ALDH16A1: variants seen among roughly 807,000 people sequenced by gnomAD.
ALDH16A1 encodes the protein aldehyde dehydrogenase family 16 member A1.
ALDH16A1 carries 88 observed loss-of-function variants against 96.1 expected under a neutral mutation model. The observed-to-expected ratio is 0.92, with a 90% confidence interval of 0.77 to 1.09. The LOEUF is 1.09. ALDH16A1 is among the 50% of genes least tolerant of loss of function. ALDH16A1 has a pLI of 0.00. For synonymous variants in ALDH16A1, 522 were observed against 496.4 expected, an observed-to-expected ratio of 1.05 and a Z score of -0.69; for missense variants, 1,250 against 1,112.6, an observed-to-expected ratio of 1.12 and a Z score of -1.76.
Position 49,468,996 on chromosome 19 carries a change from G to A in ALDH16A1, c.2247+10G>A. ...TTTCGGATCAGCCCAGGTGCTCTTT[G>A]TTCTGTTTTGCCATCTTCAGCATCT... On this transcript the variant is annotated intron_variant, in intron 16 of 16. Coordinates refer to ENST00000293350, the MANE Select transcript of ALDH16A1 (RefSeq NM_153329.4). This position sits in a 1 kb window ranked among gnomAD's most constrained non-coding sequence, Gnocchi z 4.4. 1 of 1,602,832 alleles carries A rather than the reference G, an allele frequency of 6.2e-7. No individual in the cohort carries two copies. Among genetic ancestry groups the A allele is most frequent in the Non-Finnish European group, 8.5e-7 (1 of 1,172,282 alleles).
intron 2 of ALDH16A1, 66 bp from the exon 3 acceptor site, chr19:49,458,894 C>G: frequency 6.4e-7 from 1 of 1,567,324 alleles, no homozygotes; most frequent in Non-Finnish European, 8.7e-7. Flanking sequence ...CTCCGAAAAT[C>G]TCAGCCCCCT....
Position 49,466,165 on chromosome 19 carries a change from C to T in ALDH16A1, c.1820C>T (p.Ala607Val). ...CTGGAGCGCCGGAAGTCTACCCTGG[C>T]CTCGAGGCTGGAGAGGCAGGGAGCG... ...AALERRKSTLASRLERQGAEL... is the reference protein window; with the variant it reads ...AALERRKSTLVSRLERQGAEL... The change falls in exon 14 of 17, where the codon GCC becomes GTC. Residue 607 changes from alanine (A) to valine (V), a missense_variant. Transcript: ENST00000293350. 1.3e-6 allele frequency: 2 copies of T among 1,560,176 alleles called. No individual in the cohort carries two copies. The highest frequency in any genetic ancestry group is 1.7e-6 in the Non-Finnish European group (2 of 1,154,166).
chr19:49,461,682 C>T lies in ALDH16A1; in HGVS notation c.641C>T (p.Ala214Val), dbSNP rs771749686. ...SPAPLLLAQL[A>V]GELGPFPGIL... ...GCGCCCCTCCTCCTGGCCCAGCTGG[C>T]GGGGGAGCTGGGCCCCTTCCCGGGA... The change falls in exon 6 of 17, where the codon GCG becomes GTG. Residue 214 changes from alanine (A) to valine (V), a missense_variant. Transcript: ENST00000293350. 3.6e-5 allele frequency: 58 copies of T among 1,607,416 alleles called. No individual in the cohort carries two copies. Among genetic ancestry groups the T allele is most frequent in the South Asian group, 2.9e-4 (26 of 90,238 alleles).
intron 1 of ALDH16A1, among the ~76,000 whole-genome samples, chr19:49,457,464 C>T (rs1382733070): frequency 6.7e-6 from 1 of 150,332 alleles, no homozygotes; most frequent in African/African-American, 2.4e-5. Context: ...AGGAGAATGG[C>T]GTGAATCCAG....
chr19:49,457,684 A>G (rs1490015403), intron 1 of ALDH16A1, among the ~76,000 whole-genome samples: 1 of 151,610 alleles, frequency 6.6e-6, no homozygotes, highest in South Asian at 2.1e-4. Flanking sequence ...ATCTTGGCTT[A>G]CTACAGCCTC....
chr19:49,465,103 A>G (rs77552159), intron 12 of ALDH16A1, among the ~76,000 whole-genome samples: 3,653 of 147,224 alleles, frequency 0.025, 55 homozygotes, highest in Middle Eastern at 0.063. Context: ...GGGGTCCTCC[A>G]GAGGCTCATG....
rs1047690569 is a variant in ALDH16A1 at position 49,464,879 on chromosome 19, G to T, written c.1568+117G>T. ...TCCATCCAAACCATCTCTTAGTCCT[G>T]CTGAGTACCACGTTGTGGCCTCACA... is the stretch of plus-strand genomic sequence containing the variant. On this transcript the variant is annotated intron_variant, in intron 12 of 16. Transcript: ENST00000293350. 3.3e-6 allele frequency: 5 copies of T among 1,494,682 alleles called. No homozygotes were observed. The African/African-American group carries it at 5.5e-5, about 16-fold the overall frequency. The allele number at this position is 1,494,682 out of a possible 1,614,324, so 92.6% of individuals were successfully genotyped here. A position where few individuals can be genotyped will look rare whatever the true frequency, so the allele number is the denominator to read the frequency against.
In ALDH16A1 at chr19:49,461,745, C is replaced by A. The variant is rs775859575; in HGVS notation, c.704C>A (p.Pro235His). 10 of 1,610,284 alleles carry A rather than the reference C, an allele frequency of 6.2e-6. No homozygotes were observed. Among genetic ancestry groups the A allele is most frequent in the Non-Finnish European group, 8.5e-6 (10 of 1,178,416 alleles). ...CTCAGTGGCCCTGCGTCCCTGGTGCCCATCCTGGCCTCCCAGCCTGGAATC... is the reference window on the plus strand; with the variant it reads ...CTCAGTGGCCCTGCGTCCCTGGTGCACATCCTGGCCTCCCAGCCTGGAATC... ...NVLSGPASLV[P>H]ILASQPGIRK... The change falls in exon 6 of 17, where the codon CCC becomes CAC. Residue 235 changes from proline (P) to histidine (H), a missense_variant. By Grantham distance (77) the Pro-to-His change is moderately conservative. Transcript: ENST00000293350.
rs985274509 is a variant in ALDH16A1 at position 49,456,739 on chromosome 19, C to T, written c.91-1747C>T. ...GATGCCCAGTTCATGTTCAAATATC[C>T]CTGACTTTCTCACAGATGTCTCTCT... is the stretch of plus-strand genomic sequence containing the variant. On this transcript the variant is annotated intron_variant, in intron 1 of 16. Transcript: ENST00000293350. Among the ~76,000 whole-genome samples the T allele has an allele frequency of 1.1e-3, 167 of 152,242 alleles. 1 individual carries two copies. The highest frequency in any genetic ancestry group is 3.7e-3 in the African/African-American group (155 of 41,536).
chr19:49,464,118 C>T lies in ALDH16A1; in HGVS notation c.1195-9C>T. 1 of 1,606,452 alleles carries T rather than the reference C, an allele frequency of 6.2e-7. No individual in the cohort carries two copies. The highest frequency in any genetic ancestry group is 8.5e-7 in the Non-Finnish European group (1 of 1,178,062). On this transcript the variant is annotated splice_polypyrimidine_tract_variant and intron_variant, in intron 9 of 16. Transcript: ENST00000293350. ...CTGGAGGGCTGAGCCTCCCGGTCAC[C>T]CCTTGCAGGTGCCGTGGCCTGTGGT...
chr19:49,460,824 G>C lies in ALDH16A1; in HGVS notation c.502G>C (p.Val168Leu), dbSNP rs765938910. The change falls in exon 5 of 17, where the codon GTA (valine) becomes CTA (leucine). Residue 168 changes from valine (V) to leucine (L), a missense_variant and splice_region_variant. By Grantham distance (32) the Val-to-Leu change is conservative (BLOSUM62 1). Coordinates refer to ENST00000293350, the MANE Select transcript of ALDH16A1 (RefSeq NM_153329.4). ...CTTGCCTCATTTTTTTCTTGCAGGA[G>C]TAATTGGCCTCATCCTGCCACCCAC... ...EALAGWEPMG[V>L]IGLILPPTFS... 9 of 1,613,148 alleles carry C rather than the reference G, an allele frequency of 5.6e-6. No homozygotes were observed. The East Asian group carries it at 2.0e-4, about 36-fold the overall frequency.
rs770040429 is a variant in ALDH16A1 at position 49,461,871 on chromosome 19, G to T, written c.760-13G>T. 37 of 1,590,114 alleles carry T rather than the reference G, an allele frequency of 2.3e-5. No individual in the cohort carries two copies. Among genetic ancestry groups the T allele is most frequent in the Admixed American group, 3.5e-5 (2 of 56,612 alleles). On this transcript the variant is annotated splice_polypyrimidine_tract_variant and intron_variant, in intron 6 of 16. Transcript: ENST00000293350. Reference sequence around the variant, plus strand: ...AAGGCTCCTCCTGCGGCTGAACTGGGGGGGGTCCCTAGGAAGGGCGTGCCC... The same window carrying T: ...AAGGCTCCTCCTGCGGCTGAACTGGTGGGGGTCCCTAGGAAGGGCGTGCCC...
rs1282140882 is a variant in ALDH16A1 at position 49,468,808 on chromosome 19, C to T, written c.2125-56C>T. The T allele has an allele frequency of 1.1e-5, 18 of 1,579,940 alleles. No individual in the cohort carries two copies. Among genetic ancestry groups the T allele is most frequent in the Non-Finnish European group, 1.6e-5 (18 of 1,159,894 alleles). On this transcript the variant is annotated intron_variant, in intron 15 of 16. Transcript: ENST00000293350. This position sits in a 1 kb window ranked among gnomAD's most constrained non-coding sequence, Gnocchi z 4.4. ...CTCCCATGGGCACCCCCTGAATGCCCACTCCTTGCCCTGCCCCCACGGCCT... is the reference window on the plus strand; with the variant it reads ...CTCCCATGGGCACCCCCTGAATGCCTACTCCTTGCCCTGCCCCCACGGCCT...
Position 49,462,738 on chromosome 19 carries a change from C to G in ALDH16A1, c.1081C>G (p.Gln361Glu). The G allele has an allele frequency of 6.3e-7, 1 of 1,596,574 alleles. No individual in the cohort carries two copies. Among genetic ancestry groups the G allele is most frequent in the Non-Finnish European group, 8.5e-7 (1 of 1,172,612 alleles). Residue 361 changes from glutamine to glutamate, a missense_variant, in exon 8 of 17, where the codon CAG (glutamine) becomes GAG (glutamate). Transcript: ENST00000293350. ...DLVQRFVREA[Q>E]SQGAQVFQAG... ...GGTCCAGCGCTTTGTGCGTGAGGCC[C>G]AGAGCCAGGGTGCACAGGTGAGGCA... is the stretch of plus-strand genomic sequence containing the variant.
In ALDH16A1 at chr19:49,470,216, CCT is replaced by C; in HGVS notation, c.2248-88_2248-87del. 3 of 1,496,784 alleles carry C rather than the reference CCT, an allele frequency of 2.0e-6. No individual in the cohort carries two copies. In the South Asian group the frequency reaches 3.7e-5, roughly 18 times the overall value. 92.7% of individuals were successfully genotyped at this position (1,496,784 alleles called of 1,614,324 possible). A position where few individuals can be genotyped will look rare whatever the true frequency, so the allele number is the denominator to read the frequency against. ...CAGAGCCTGGGTCCAGCCTGAAGCC[CCT>C]CGTCAGTAACAGTCTTCATCGCGGA... is the stretch of plus-strand genomic sequence containing the variant. On this transcript the variant is annotated intron_variant, in intron 16 of 16. Transcript: ENST00000293350.
chr19:49,464,346 C>A (rs558103745), intron 10 of ALDH16A1, 71 bp from the exon 11 acceptor site: 4 of 1,569,316 alleles, frequency 2.5e-6, no homozygotes, highest in Admixed American at 1.8e-5. Context: ...CTCCCCGCGC[C>A]TTTAACTCAC....
rs1186012743 is a variant in ALDH16A1 at position 49,466,114 on chromosome 19, C to T, written c.1769C>T (p.Ala590Val). The part of the protein sequence containing the change: ...WAGQSPGARA[A>V]LLWALAAALE... ...GGCCAGTCCCCAGGAGCCCGGGCAGCCCTGCTGTGGGCCCTGGCGGCTGCA... is the reference window on the plus strand; with the variant it reads ...GGCCAGTCCCCAGGAGCCCGGGCAGTCCTGCTGTGGGCCCTGGCGGCTGCA... The change falls in exon 14 of 17, where the codon GCC (alanine) becomes GTC (valine). Residue 590 changes from alanine to valine, a missense_variant. Transcript: ENST00000293350. The T allele has an allele frequency of 6.4e-7, 1 of 1,551,586 alleles. No homozygotes were observed. Among genetic ancestry groups the T allele is most frequent in the Admixed American group, 1.9e-5 (1 of 51,370 alleles).
intron 10 of ALDH16A1, 24 bp from the exon 11 acceptor site, chr19:49,464,393 T>C (rs1300358222): frequency 6.3e-7 from 1 of 1,583,134 alleles, no homozygotes; most frequent in Non-Finnish European, 8.6e-7. Context: ...TTTCCTCTGT[T>C]GGACACCTTC....
chr19:49,453,536 T>A (rs1389864962), intron 1 of ALDH16A1, 115 bp downstream of exon 1: 1 of 964,234 alleles, frequency 1.0e-6, no homozygotes, highest in East Asian at 2.7e-5. Context: ...CCTCTCTTAG[T>A]CCCCGTGATT....
Sources: allele counts gnomAD v4.1 joint callset (sites outside exome capture counted in the v4.1 genomes callset), GRCh38; gene constraint gnomAD v4.1.1; non-coding constraint Gnocchi (gnomAD v3.1); transcripts MANE v1.5; gene names NCBI Gene and HGNC (gene_info 2026-07-23, HGNC 2026-07-21).